Variants in HEATR4 observed in about 807,000 individuals in gnomAD.
HEATR4 encodes the protein HEAT repeat containing 4.
A neutral mutation model predicts 108.8 loss-of-function variants in HEATR4; 95 were observed. That is an observed-to-expected ratio of 0.87 (90% CI 0.74 to 1.04). The LOEUF (loss-of-function observed/expected upper bound fraction) is 1.04, where lower values mean the gene tolerates loss of function less well. HEATR4 is among the 50% of genes least tolerant of loss of function. The probability of loss-of-function intolerance (pLI) is 0.00; values close to 1 mark genes in which losing one functional copy is unlikely to be tolerated. For missense variants in HEATR4, 1,152 were observed against 1,253.8 expected, an observed-to-expected ratio of 0.92 and a Z score of 1.23; for synonymous variants, 443 against 459.4, an observed-to-expected ratio of 0.96 and a Z score of 0.46.
the HEATR4 span, among the ~76,000 whole-genome samples, chr14:73,589,710 C>A: frequency 6.6e-6 from 1 of 152,156 alleles, no homozygotes; most frequent in African/African-American, 2.4e-5. Context: ...CCTGGTGTTT[C>A]CAGACTGGTC....
chr14:73,592,629 G>A, the HEATR4 span, among the ~76,000 whole-genome samples: 1 of 152,204 alleles, frequency 6.6e-6, no homozygotes, highest in Non-Finnish European at 1.5e-5. Context: ...GAGATGGGCG[G>A]ATCACTTGAG....
At chr14:73,592,861 A>G in the HEATR4 span, among the ~76,000 whole-genome samples, 3 of 152,086 alleles carry the variant, frequency 2.0e-5, no homozygotes, top group Admixed American at 2.0e-4. Flanking sequence ...TCAAAAAAAG[A>G]AAAAAGAAAA....
At chr14:73,625,349 C>T in the HEATR4 span, among the ~76,000 whole-genome samples, 9 of 151,374 alleles carry the variant, frequency 5.9e-5, no homozygotes, top group South Asian at 2.1e-4. Context: ...TGAGCCACCG[C>T]GCCCAGCCTA....
the HEATR4 span, chr14:73,594,954 C>T: frequency 1.4e-6 from 2 of 1,470,144 alleles, no homozygotes; most frequent in Admixed American, 1.9e-5. Flanking sequence ...ATCCGCCCGC[C>T]TCCGCCTCGC....
At chr14:73,564,786 A>G in the HEATR4 span, among the ~76,000 whole-genome samples, 1 of 139,082 alleles carries the variant, frequency 7.2e-6, no homozygotes, top group Non-Finnish European at 1.5e-5. Flanking sequence ...GCTGGTATCG[A>G]ACTCCTCCTG....
At position 73,483,417 on chromosome 14, in the gene HEATR4, G is replaced by T. The variant is rs144997605; in HGVS notation, c.2845-4575C>A. On this transcript the variant is annotated intron_variant, in intron 17 of 17. Coordinates refer to ENST00000553558, the MANE Select transcript of HEATR4 (RefSeq NM_001220484.1). ...TGCAGGAGCTAGTACCTATTCACAG[G>T]CACGATCATAGCTCACTATAAACTT... is the stretch of plus-strand genomic sequence containing the variant. 1.1e-4 allele frequency among the ~76,000 whole-genome samples: 17 copies of T among 152,132 alleles called. No homozygotes were observed. In the East Asian group the frequency reaches 2.9e-3, roughly 26 times the overall value.
the HEATR4 span, among the ~76,000 whole-genome samples, chr14:73,589,584 ACT>A: frequency 6.6e-6 from 1 of 151,960 alleles, no homozygotes; most frequent in African/African-American, 2.4e-5. Context: ...CTCCCACAGC[ACT>A]GAGATTACAA....
At chr14:73,592,535 A>G in the HEATR4 span, 1 of 1,220,150 alleles carries the variant, frequency 8.2e-7, no homozygotes, top group Non-Finnish European at 1.1e-6. Flanking sequence ...AACATTGACT[A>G]TGTCAGTGGC....
At chr14:73,520,757 G>A (rs570463794) in intron 4 of HEATR4, 95 bp downstream of exon 4, 16 of 1,182,628 alleles carry the variant, frequency 1.4e-5, no homozygotes, top group East Asian at 2.3e-5. Flanking sequence ...AGGGCCTCTT[G>A]TCCATACCCA....
At chr14:73,555,740 G>A (rs1264310388) in intron 1 of HEATR4, among the ~76,000 whole-genome samples, 1 of 115,430 alleles carries the variant, frequency 8.7e-6, no homozygotes, top group Non-Finnish European at 1.9e-5. Context: ...GGTGGCTCAC[G>A]CCTGTAATCC....
chr14:73,614,640 G>A, the HEATR4 span, among the ~76,000 whole-genome samples: 1 of 151,830 alleles, frequency 6.6e-6, no homozygotes, highest in Non-Finnish European at 1.5e-5. Flanking sequence ...CCAGCTACTA[G>A]GGAGGCTGAG....
intron 14 of HEATR4, among the ~76,000 whole-genome samples, chr14:73,497,297 C>T (rs1278419920): frequency 1.3e-5 from 2 of 152,226 alleles, no homozygotes; most frequent in Non-Finnish European, 2.9e-5. Flanking sequence ...GCCTCAGCCT[C>T]CCAAAGTGTT....
intron 17 of HEATR4, among the ~76,000 whole-genome samples, chr14:73,487,508 T>C (rs1377192498): frequency 4.6e-5 from 7 of 152,112 alleles, no homozygotes; most frequent in Non-Finnish European, 8.8e-5. Flanking sequence ...GCAGAGGTTG[T>C]AGTGGGCCAA....
At chr14:73,598,217 CAAAAAAA>C in the HEATR4 span, among the ~76,000 whole-genome samples, 4 of 54,922 alleles carry the variant, frequency 7.3e-5, no homozygotes, top group Non-Finnish European at 1.3e-4. Context: ...ACTAAAAATA[CAAAAAAA>C]AAAAAAAAAA....
At chr14:73,576,816 A>AAAAAAAAAAAAAAAAAAAC in the HEATR4 span, among the ~76,000 whole-genome samples, 1 of 58,158 alleles carries the variant, frequency 1.7e-5, no homozygotes, top group Non-Finnish European at 3.3e-5. Flanking sequence ...AAAAAAAAAA[A>AAAAAAAAAAAAAAAAAAAC]AAAAGACAAT....
intron 1 of HEATR4, among the ~76,000 whole-genome samples, chr14:73,547,041 A>G (rs1210955292): frequency 9.4e-6 from 1 of 106,604 alleles, no homozygotes; most frequent in African/African-American, 2.9e-5. Flanking sequence ...AGCCAAGATC[A>G]CGCCACTGTA....
the HEATR4 span, among the ~76,000 whole-genome samples, chr14:73,590,280 T>G: frequency 6.6e-5 from 10 of 152,176 alleles, no homozygotes; most frequent in Non-Finnish European, 1.5e-4. Context: ...CTAGATTAGC[T>G]AGATACAGAG....
intron 17 of HEATR4, among the ~76,000 whole-genome samples, chr14:73,486,252 C>T (rs1885448005): frequency 6.6e-6 from 1 of 152,198 alleles, no homozygotes; most frequent in African/African-American, 2.4e-5. Flanking sequence ...CCAAAAATAT[C>T]TCTAGATATT....
intron 2 of HEATR4, among the ~76,000 whole-genome samples, chr14:73,523,677 C>T (rs939780167): frequency 6.6e-6 from 1 of 152,192 alleles, no homozygotes; most frequent in Non-Finnish European, 1.5e-5. Context: ...CCTCTCTCCA[C>T]ATAATGAAGC....
Sources: allele counts gnomAD v4.1 joint callset (sites outside exome capture counted in the v4.1 genomes callset), GRCh38; gene constraint gnomAD v4.1.1; transcripts MANE v1.5; gene names NCBI Gene and HGNC (gene_info 2026-07-23, HGNC 2026-07-21).